The following LUZP2 variants were observed in gnomAD, a reference collection of about 807,000 sequenced individuals.
LUZP2 encodes the protein leucine zipper protein 2.
Under a neutral mutation model 51.6 loss-of-function variants are expected in LUZP2, and 52 were observed. The ratio of observed to expected loss-of-function variants is 1.01; its 90% confidence interval spans 0.81 to 1.27. The LOEUF is 1.27. LUZP2 is among the 50% of genes most tolerant of loss of function. The probability of loss-of-function intolerance (pLI) is 0.00; values close to 1 mark genes in which losing one functional copy is unlikely to be tolerated. For missense variants in LUZP2, 436 were observed against 395.4 expected (o/e 1.10, Z -0.87); for synonymous variants, 154 against 137.3 (o/e 1.12, Z -0.85).
chr11:24,823,809 A>G (rs1850435265), intron 5 of LUZP2, among the ~76,000 whole-genome samples: 1 of 152,176 alleles, frequency 6.6e-6, no homozygotes, highest in African/African-American at 2.4e-5. Context: ...CACACCTGTA[A>G]TCCGAGCACT....
intron 7 of LUZP2, among the ~76,000 whole-genome samples, chr11:24,948,928 G>A (rs925864649): frequency 6.6e-6 from 1 of 151,126 alleles, no homozygotes; most frequent in African/African-American, 2.4e-5. Context: ...TATTAACAGA[G>A]CCAATAGAAA....
chr11:24,564,584 T>C (rs993401131), intron 1 of LUZP2, among the ~76,000 whole-genome samples: 5 of 152,134 alleles, frequency 3.3e-5, no homozygotes, highest in African/African-American at 1.2e-4. Context: ...AGCACATTTG[T>C]ATGCCCCAAG....
chr11:24,622,886 A>C (rs1236318692), intron 1 of LUZP2, among the ~76,000 whole-genome samples: 1 of 152,210 alleles, frequency 6.6e-6, no homozygotes, highest in Non-Finnish European at 1.5e-5. Context: ...ATTTTTAGGC[A>C]AACTGTCTTT....
rs114402426 is a variant in LUZP2 at position 24,689,923 on chromosome 11, T to C, written c.63-39246T>C. Among the ~76,000 whole-genome samples, 564 of 152,208 alleles carry C rather than the reference T, an allele frequency of 3.7e-3. 2 individuals carry two copies. Among genetic ancestry groups the C allele is most frequent in the African/African-American group, 0.013 (530 of 41,538 alleles). On this transcript the variant is annotated intron_variant, in intron 1 of 11. Coordinates refer to ENST00000336930, the MANE Select transcript of LUZP2 (RefSeq NM_001009909.4). ...TTTACTAATTTTCTTTCCAGAATTT[T>C]ATAAACTGTAAAAATAAGGGTAGTG... is the stretch of plus-strand genomic sequence containing the variant.
At position 24,509,617 on chromosome 11, in the gene LUZP2, A is replaced by G. The variant is rs184555759; in HGVS notation, c.62+12312A>G. Among the ~76,000 whole-genome samples, 9 of 149,874 alleles carry G rather than the reference A, an allele frequency of 6.0e-5. No individual in the cohort carries two copies. In the East Asian group the frequency reaches 1.8e-3, roughly 29 times the overall value. On this transcript the variant is annotated intron_variant, in intron 1 of 11. Transcript: ENST00000336930. ...AATACTTATCCTTAAAAATATGGTT[A>G]TATATAACATATTATATGTTATATA...
At chr11:24,933,815 A>C (rs1854521904) in intron 7 of LUZP2, among the ~76,000 whole-genome samples, 1 of 152,170 alleles carries the variant, frequency 6.6e-6, no homozygotes, top group Non-Finnish European at 1.5e-5. Flanking sequence ...AAAGAGAGTC[A>C]TCAAAGGGTG....
intron 1 of LUZP2, among the ~76,000 whole-genome samples, chr11:24,575,975 C>A (rs1374054347): frequency 1.3e-5 from 2 of 152,056 alleles, no homozygotes; most frequent in Non-Finnish European, 2.9e-5. Flanking sequence ...AATTGAAAAT[C>A]TTCATCTTTA....
At chr11:24,820,202 A>G (rs1261379938) in intron 5 of LUZP2, among the ~76,000 whole-genome samples, 1 of 152,206 alleles carries the variant, frequency 6.6e-6, no homozygotes, top group Non-Finnish European at 1.5e-5. Flanking sequence ...TGTGGACTTT[A>G]GATAACATTT....
At chr11:24,624,058 A>G (rs567537911) in intron 1 of LUZP2, among the ~76,000 whole-genome samples, 2 of 152,284 alleles carry the variant, frequency 1.3e-5, no homozygotes, top group Non-Finnish European at 2.9e-5. Context: ...TATCTTTTAA[A>G]TATCATTAAT....
chr11:24,893,775 C>T (rs1376826566), intron 5 of LUZP2, among the ~76,000 whole-genome samples: 30 of 546 alleles, frequency 0.055, no homozygotes, highest in South Asian at 0.46. Context: ...TACACACGCA[C>T]ACACACACAC....
At chr11:24,677,587 G>T (rs957329911) in intron 1 of LUZP2, among the ~76,000 whole-genome samples, 5 of 152,070 alleles carry the variant, frequency 3.3e-5, no homozygotes, top group African/African-American at 1.2e-4. Context: ...CGTCTTTCCT[G>T]ACCATTCTAG....
At chr11:24,906,282 T>C (rs1853449797) in intron 6 of LUZP2, among the ~76,000 whole-genome samples, 2 of 149,300 alleles carry the variant, frequency 1.3e-5, no homozygotes, top group South Asian at 2.1e-4. Context: ...ATCACCTTTG[T>C]AGATTTTTTT....
intron 10 of LUZP2, among the ~76,000 whole-genome samples, chr11:25,066,515 C>A (rs372482832): frequency 6.6e-6 from 1 of 151,888 alleles, no homozygotes; most frequent in African/African-American, 2.4e-5. Context: ...CAATGACATT[C>A]GCTAAGGGGC....
chr11:24,730,313 A>G (rs4923206), intron 2 of LUZP2, among the ~76,000 whole-genome samples: 16,435 of 151,804 alleles, frequency 0.11, 977 homozygotes, highest in Non-Finnish European at 0.13. Flanking sequence ...CTAAGAGTGC[A>G]CAGATAGTTA....
At chr11:24,845,117 G>A (rs1017518639) in intron 5 of LUZP2, among the ~76,000 whole-genome samples, 1 of 152,290 alleles carries the variant, frequency 6.6e-6, no homozygotes, top group African/African-American at 2.4e-5. Flanking sequence ...TGGAAAAGCA[G>A]CAGACACTCA....
intron 5 of LUZP2, among the ~76,000 whole-genome samples, chr11:24,774,358 C>CTA (rs1431208612): frequency 7.0e-4 from 56 of 80,548 alleles, no homozygotes; most frequent in African/African-American, 2.8e-3. Context: ...CTCTCTCTCT[C>CTA]TCTCTATATA....
intron 5 of LUZP2, among the ~76,000 whole-genome samples, chr11:24,812,594 G>C (rs960767545): frequency 6.6e-6 from 1 of 151,980 alleles, no homozygotes; most frequent in Non-Finnish European, 1.5e-5. Context: ...TGTAAATATT[G>C]GTAAGATAAC....
intron 9 of LUZP2, among the ~76,000 whole-genome samples, chr11:25,019,491 A>G (rs2133971935): frequency 6.6e-6 from 1 of 152,214 alleles, no homozygotes; most frequent in Admixed American, 6.6e-5. Context: ...CTTATTTATG[A>G]ATTTTTAATT....
intron 1 of LUZP2, among the ~76,000 whole-genome samples, chr11:24,724,511 C>T (rs1303634924): frequency 6.6e-6 from 1 of 152,036 alleles, no homozygotes. Flanking sequence ...GCAGAGGTTG[C>T]AGTAAGCCGA....
Sources: gnomAD v4.1 joint callset for allele counts (sites outside exome capture counted in the v4.1 genomes callset) on GRCh38, gnomAD v4.1.1 for gene constraint, MANE v1.5 for transcripts, NCBI Gene and HGNC (gene_info 2026-07-23, HGNC 2026-07-21) for gene names.